AUTS2: variants seen among roughly 807,000 people sequenced by gnomAD.
AUTS2 encodes activator of transcription and developmental regulator AUTS2.
AUTS2 carries 17 observed loss-of-function variants against 112.4 expected under a neutral mutation model. The observed-to-expected ratio is 0.15, with a 90% CI of 0.10 to 0.23. AUTS2 has a LOEUF of 0.23. Among genes scored for constraint, AUTS2 ranks in the 10% least tolerant of loss-of-function variants. The pLI is 1.00. For synonymous variants in AUTS2, 751 were observed against 702.7 expected (o/e 1.07, Z -1.09); for missense variants, 1,510 against 1,701.6 (o/e 0.89, Z 1.98).
intron 6 of AUTS2, among the ~76,000 whole-genome samples, chr7:70,732,394 A>T (rs1256786776): frequency 2.6e-5 from 4 of 152,100 alleles, no homozygotes; most frequent in Admixed American, 2.6e-4. Context: ...GGAGATAGGG[A>T]TGGACCAGTC....
At chr7:70,393,815 T>G (rs750100232) in intron 4 of AUTS2, among the ~76,000 whole-genome samples, 41 of 152,320 alleles carry the variant, frequency 2.7e-4, no homozygotes, top group Middle Eastern at 6.8e-3. Flanking sequence ...CCAATTTGTC[T>G]CTTTTCTTCT....
chr7:70,108,639 C>A (rs1345697178), intron 2 of AUTS2, among the ~76,000 whole-genome samples: 3 of 152,010 alleles, frequency 2.0e-5, no homozygotes, highest in Admixed American at 6.6e-5. Context: ...AAGGACTCTG[C>A]TTTTTTACTG....
chr7:70,737,935 A>G (rs1440959633), intron 6 of AUTS2, among the ~76,000 whole-genome samples: 1 of 152,166 alleles, frequency 6.6e-6, no homozygotes, highest in East Asian at 1.9e-4. Context: ...GCATTTTAAT[A>G]TACAAATAAT....
At chr7:70,769,852 C>T (rs1284399780) in intron 10 of AUTS2, among the ~76,000 whole-genome samples, 3 of 152,052 alleles carry the variant, frequency 2.0e-5, no homozygotes, top group African/African-American at 7.3e-5. Flanking sequence ...TGTATTATTA[C>T]TTAGGCGCTT....
In AUTS2 at chr7:70,766,168, C is replaced by T. The variant is rs1288588789; in HGVS notation, c.1523C>T (p.Ala508Val). ...LNTRFLASQS[A>V]DRGASLGPPP... ...ACTCGTTTTTTGGCCTCTCAGAGTG[C>T]TGACCGCGGGGCTTCCCTGGGCCCT... Residue 508 changes from alanine to valine, a missense_variant, in exon 9 of 19, where the codon GCT becomes GTT. This residue lies in a region of AUTS2 where 187 missense variants were observed against 309.7 expected (regional missense o/e 0.60). Transcript: ENST00000342771. The surrounding 1 kb of genome is among the most constrained non-coding windows in gnomAD (Gnocchi z 4.8). 6.2e-7 allele frequency: 1 copy of T among 1,614,190 alleles called. No homozygotes were observed. The highest frequency in any genetic ancestry group is 8.5e-7 in the Non-Finnish European group (1 of 1,180,050).
chr7:70,524,606 T>C lies in AUTS2; in HGVS notation c.690+88825T>C, dbSNP rs1799768471. ...GTTCGAACAAAAGGCATCAGGGAAG[T>C]ACCTCTTGAGTCTGTCCTGTGAAAG... On this transcript the variant is annotated intron_variant, in intron 5 of 18. Transcript: ENST00000342771. Among the ~76,000 whole-genome samples, 4 of 152,320 alleles carry C rather than the reference T, an allele frequency of 2.6e-5. 1 individual carries two copies. In the South Asian group the frequency reaches 8.3e-4, roughly 32 times the overall value.
intron 5 of AUTS2, among the ~76,000 whole-genome samples, chr7:70,679,321 A>AG (rs945198702): frequency 6.6e-6 from 1 of 152,234 alleles, no homozygotes; most frequent in Non-Finnish European, 1.5e-5. Flanking sequence ...GGCCCATCCA[A>AG]GGGGGAAGTG....
intron 4 of AUTS2, among the ~76,000 whole-genome samples, chr7:70,146,973 A>AG (rs1199445602): frequency 2.0e-5 from 3 of 152,176 alleles, no homozygotes; most frequent in Admixed American, 6.6e-5. Context: ...ATATGTAGGT[A>AG]GGGACTATCA....
chr7:69,824,418 A>T (rs1791148248), intron 1 of AUTS2, among the ~76,000 whole-genome samples: 1 of 152,106 alleles, frequency 6.6e-6, no homozygotes, highest in South Asian at 2.1e-4. Context: ...CAAAAAAAAA[A>T]AAATAAGTGT....
chr7:70,368,919 A>G (rs79902153), intron 4 of AUTS2, among the ~76,000 whole-genome samples: 356 of 152,308 alleles, frequency 2.3e-3, no homozygotes, highest in Non-Finnish European at 4.5e-3. Flanking sequence ...CTGTTTGTTA[A>G]AATAATTAAA....
chr7:70,568,225 G>A (rs938165139), intron 5 of AUTS2, among the ~76,000 whole-genome samples: 2 of 152,178 alleles, frequency 1.3e-5, no homozygotes, highest in African/African-American at 4.8e-5. Context: ...GGGAATATGT[G>A]AGTTCATGTG....
chr7:70,642,539 G>C (rs1297217512), intron 5 of AUTS2, among the ~76,000 whole-genome samples: 1 of 83,606 alleles, frequency 1.2e-5, no homozygotes, highest in East Asian at 2.1e-4. Context: ...TCCTCAACCA[G>C]GTGTAAAGTC....
intron 4 of AUTS2, among the ~76,000 whole-genome samples, chr7:70,415,132 C>T (rs895918230): frequency 2.6e-5 from 4 of 152,236 alleles, no homozygotes; most frequent in African/African-American, 9.6e-5. Context: ...AAGAGCCCCA[C>T]CTCAGGCATT....
chr7:70,486,007 A>C (rs994334100), intron 5 of AUTS2, among the ~76,000 whole-genome samples: 1 of 144,730 alleles, frequency 6.9e-6, no homozygotes, highest in Non-Finnish European at 1.5e-5. Context: ...TAAATAATAA[A>C]TAAATAAATA....
chr7:70,774,471 G>A (rs1192593780), intron 12 of AUTS2: 1 of 199,474 alleles, frequency 5.0e-6, no homozygotes, highest in African/African-American at 2.3e-5. Context: ...AAAGCACTAA[G>A]GCGCTTTTCT....
Position 70,766,499 on chromosome 7 carries a change from T to TCTGA in AUTS2, c.1689+168_1689+171dup. On this transcript the variant is annotated intron_variant, in intron 9 of 18. Coordinates refer to ENST00000342771, the MANE Select transcript of AUTS2 (RefSeq NM_015570.4). The surrounding 1 kb of genome is among the most constrained non-coding windows in gnomAD (Gnocchi z 4.8). ...GTCCTAGTGCCCTGCCTCAGGCAGC[T>TCTGA]CTGACTTCAGGGGCCTAAAGTAGGA... The TCTGA allele has an allele frequency of 8.8e-6, 8 of 909,810 alleles. No homozygotes were observed. The highest frequency in any genetic ancestry group is 1.3e-5 in the Non-Finnish European group (8 of 596,560). The allele number at this position is 909,810 out of a possible 1,614,324, so 56.4% of individuals were successfully genotyped here.
At chr7:70,370,835 G>A (rs1452332342) in intron 4 of AUTS2, among the ~76,000 whole-genome samples, 2 of 151,132 alleles carry the variant, frequency 1.3e-5, no homozygotes, top group African/African-American at 4.9e-5. Context: ...GCTAACACTT[G>A]TTGTCTTTTT....
At chr7:70,618,840 T>C (rs10230851) in intron 5 of AUTS2, among the ~76,000 whole-genome samples, 131,494 of 152,192 alleles carry the variant, frequency 0.86, 57,016 homozygotes, top group African/African-American at 0.92. Context: ...AGCAGCCCTG[T>C]GTTTTGTTAG....
intron 1 of AUTS2, among the ~76,000 whole-genome samples, chr7:69,677,460 C>T (rs1796611852): frequency 6.6e-6 from 1 of 152,122 alleles, no homozygotes; most frequent in Admixed American, 6.5e-5. Flanking sequence ...ATTAACCCAG[C>T]CTTTGCCAGC....
Sources: allele counts gnomAD v4.1 joint callset (sites outside exome capture counted in the v4.1 genomes callset), GRCh38; gene constraint gnomAD v4.1.1; regional missense constraint gnomAD v4.1.1; non-coding constraint Gnocchi (gnomAD v3.1); transcripts MANE v1.5; gene names NCBI Gene and HGNC (gene_info 2026-07-23, HGNC 2026-07-21).